The following HS6ST3 variants were observed in gnomAD, a reference collection of about 807,000 sequenced individuals.
The protein encoded by HS6ST3 is heparan-sulfate 6-O-sulfotransferase 3.
HS6ST3 carries 12 observed loss-of-function variants against 36.7 expected under a neutral mutation model. The observed-to-expected ratio is 0.33, with a 90% CI of 0.21 to 0.53. The LOEUF (loss-of-function observed/expected upper bound fraction) is 0.53. Ranked by LOEUF, HS6ST3 falls within the 20% of genes least tolerant of loss-of-function variation. The pLI is 0.95. For missense variants in HS6ST3, 584 were observed against 640.9 expected (o/e 0.91, Z 0.96); for synonymous variants, 240 against 257.5 (o/e 0.93, Z 0.65).
intron 1 of HS6ST3, among the ~76,000 whole-genome samples, chr13:96,820,565 AC>A (rs1283243529): frequency 1.4e-4 from 22 of 152,242 alleles, no homozygotes; most frequent in Admixed American, 1.4e-3. Context: ...AATTCCCACA[AC>A]CCTATGAAGT....
chr13:96,288,830 A>G (rs2054816159), intron 1 of HS6ST3, among the ~76,000 whole-genome samples: 1 of 152,106 alleles, frequency 6.6e-6, no homozygotes, highest in Non-Finnish European at 1.5e-5. Flanking sequence ...TCAGGAAAAT[A>G]AAATCATAGA....
chr13:96,826,743 G>A (rs1364783009), intron 1 of HS6ST3, among the ~76,000 whole-genome samples: 1 of 152,188 alleles, frequency 6.6e-6, no homozygotes, highest in South Asian at 2.1e-4. Flanking sequence ...TCGCCTTACA[G>A]CAGAACAAGA....
chr13:96,636,969 T>C (rs1214407970), intron 1 of HS6ST3, among the ~76,000 whole-genome samples: 1 of 151,914 alleles, frequency 6.6e-6, no homozygotes, highest in East Asian at 1.9e-4. Flanking sequence ...AAAAGAAGTT[T>C]TAGAACCACA....
chr13:96,197,735 G>A (rs556397175), intron 1 of HS6ST3, among the ~76,000 whole-genome samples: 194 of 152,176 alleles, frequency 1.3e-3, no homozygotes, highest in Admixed American at 1.9e-3. Flanking sequence ...CAGGGCCCAC[G>A]CAAGTCTGAA....
Position 96,354,075 on chromosome 13 carries a change from C to T in HS6ST3, c.707+262506C>T, listed in dbSNP as rs76746347. ...AAAGATATATGTACAGTTAATATTG[C>T]GCTATTGCTTGAAACAGTAGGAAGT... On this transcript the variant is annotated intron_variant, in intron 1 of 1. Transcript: ENST00000376705. Among the ~76,000 whole-genome samples the T allele has an allele frequency of 7.9e-3, 1,200 of 152,216 alleles. 18 individuals are homozygous for T. The highest frequency in any genetic ancestry group is 0.027 in the African/African-American group (1,140 of 41,530).
chr13:96,109,835 C>G (rs2053859388), intron 1 of HS6ST3, among the ~76,000 whole-genome samples: 1 of 152,188 alleles, frequency 6.6e-6, no homozygotes, highest in South Asian at 2.1e-4. Context: ...ATGTGAACCA[C>G]TATCTAAGTT....
chr13:96,597,879 C>T (rs2138980068), intron 1 of HS6ST3, among the ~76,000 whole-genome samples: 1 of 152,064 alleles, frequency 6.6e-6, no homozygotes, highest in Middle Eastern at 3.4e-3. Context: ...CCAGTTTTAT[C>T]CTTTGGCACA....
chr13:96,459,100 T>TAAAAAAAAAAAAAAAAAAAAAAAAAA (rs747439262), intron 1 of HS6ST3, among the ~76,000 whole-genome samples: 9 of 63,882 alleles, frequency 1.4e-4, no homozygotes, highest in South Asian at 5.8e-4. Flanking sequence ...CAAGACTGTC[T>TAAAAAAAAAAAAAAAAAAAAAAAAAA]AAAAAAAAAA....
chr13:96,240,882 G>T (rs1434852545), intron 1 of HS6ST3, among the ~76,000 whole-genome samples: 1 of 152,228 alleles, frequency 6.6e-6, no homozygotes, highest in Non-Finnish European at 1.5e-5. Flanking sequence ...CCAGGGGCAG[G>T]AATAGAGGCA....
rs1436104416 is a variant in HS6ST3, at chr13:96,579,729, G to A, written c.708-252761G>A. Among the ~76,000 whole-genome samples the A allele has an allele frequency of 2.6e-5, 4 of 152,258 alleles. No individual in the cohort carries two copies. The East Asian group carries it at 7.8e-4, about 30-fold the overall frequency. ...ATTTTTTTCTACCCAGGAAGCCTAA[G>A]TTCTAGCCCTTTCTCTGCCATAGAC... On this transcript the variant is annotated intron_variant, in intron 1 of 1. Transcript: ENST00000376705.
At chr13:96,460,164 T>A (rs1057327747) in intron 1 of HS6ST3, among the ~76,000 whole-genome samples, 1 of 152,082 alleles carries the variant, frequency 6.6e-6, no homozygotes, top group East Asian at 1.9e-4. Flanking sequence ...TTTCCCAGAA[T>A]TGAACCATTT....
intron 1 of HS6ST3, among the ~76,000 whole-genome samples, chr13:96,821,858 T>TA (rs1468843282): frequency 6.6e-6 from 1 of 152,182 alleles, no homozygotes; most frequent in Non-Finnish European, 1.5e-5. Context: ...CAGAGGGGAT[T>TA]AAAAAAATAT....
intron 1 of HS6ST3, among the ~76,000 whole-genome samples, chr13:96,242,555 A>G (rs544912828): frequency 1.6e-4 from 25 of 152,024 alleles, no homozygotes; most frequent in African/African-American, 5.3e-4. Context: ...GTGGAATCAT[A>G]CAGTATTTGT....
Position 96,090,927 on chromosome 13 carries a change from T to C in HS6ST3, c.65T>C (p.Met22Thr). 6.6e-7 allele frequency: 1 copy of C among 1,507,648 alleles called. No homozygotes were observed. Among genetic ancestry groups the C allele is most frequent in the Non-Finnish European group, 8.9e-7 (1 of 1,122,820 alleles). The allele number at this position is 1,507,648 out of a possible 1,614,324, so 93.4% of individuals were successfully genotyped here. A position where few individuals can be genotyped will look rare whatever the true frequency, so the allele number is the denominator to read the frequency against. ...PVLTLLFVVI[M>T]YQYVSPSCTS... is the part of the protein sequence containing the mutation. ...CTCACTCTCCTCTTCGTGGTCATCA[T>C]GTACCAGTACGTGTCCCCCTCCTGC... Residue 22 changes from methionine to threonine, a missense_variant, in exon 1 of 2, where the codon ATG (methionine) becomes ACG (threonine). Coordinates refer to ENST00000376705, the MANE Select transcript of HS6ST3 (RefSeq NM_153456.4).
chr13:96,611,440 A>G (rs1236798954), intron 1 of HS6ST3, among the ~76,000 whole-genome samples: 1 of 152,204 alleles, frequency 6.6e-6, no homozygotes, highest in Non-Finnish European at 1.5e-5. Flanking sequence ...ATGAATGCCA[A>G]TTTAATGCAA....
chr13:96,790,814 C>T (rs781509010), intron 1 of HS6ST3, among the ~76,000 whole-genome samples: 22 of 151,950 alleles, frequency 1.4e-4, no homozygotes, highest in Non-Finnish European at 2.2e-4. Flanking sequence ...ATTCAAATGC[C>T]CAGCCTTGAT....
At chr13:96,419,765 A>T (rs1351311553) in intron 1 of HS6ST3, among the ~76,000 whole-genome samples, 1 of 152,052 alleles carries the variant, frequency 6.6e-6, no homozygotes, top group Non-Finnish European at 1.5e-5. Context: ...CTGTGGATGC[A>T]TCACTCCAGT....
chr13:96,746,991 A>C (rs764092742), intron 1 of HS6ST3, among the ~76,000 whole-genome samples: 14 of 152,088 alleles, frequency 9.2e-5, no homozygotes, highest in Non-Finnish European at 1.6e-4. Flanking sequence ...TTTTTCAAAA[A>C]GCTTTGCTTT....
intron 1 of HS6ST3, among the ~76,000 whole-genome samples, chr13:96,635,164 C>T (rs1200730434): frequency 6.6e-6 from 1 of 152,108 alleles, no homozygotes; most frequent in African/African-American, 2.4e-5. Context: ...AAATGTTACT[C>T]CCTTTTATAT....
Sources: gnomAD v4.1 joint callset for allele counts (sites outside exome capture counted in the v4.1 genomes callset) on GRCh38, gnomAD v4.1.1 for gene constraint, MANE v1.5 for transcripts, NCBI Gene and HGNC (gene_info 2026-07-23, HGNC 2026-07-21) for gene names.